ZMYND11: variants seen among roughly 807,000 people sequenced by gnomAD.
The protein encoded by ZMYND11 is zinc finger MYND-type containing 11, also known as zinc finger MYND domain-containing protein 11.
A neutral mutation model predicts 84.9 loss-of-function variants in ZMYND11; 9 were observed. The observed-to-expected ratio is 0.11, with a 90% CI of 0.06 to 0.18. The LOEUF is 0.18. Among genes scored for constraint, ZMYND11 ranks in the 10% least tolerant of loss-of-function variants. ZMYND11 has a pLI of 1.00. For synonymous variants in ZMYND11, 250 were observed against 244.1 expected (o/e 1.02, Z -0.23); for missense variants, 409 against 761.0 (o/e 0.54, Z 5.44).
At chr10:228,049 G>A (rs373173136) in intron 4 of ZMYND11, among the ~76,000 whole-genome samples, 3 of 152,102 alleles carry the variant, frequency 2.0e-5, no homozygotes, top group Non-Finnish European at 4.4e-5. Context: ...TCTGAGCCAC[G>A]CACTTTTATA....
intron 2 of ZMYND11, among the ~76,000 whole-genome samples, chr10:197,408 A>C (rs1413114085): frequency 2.0e-5 from 3 of 152,234 alleles, no homozygotes; most frequent in Non-Finnish European, 4.4e-5. Context: ...GAAGAAGGTT[A>C]TATATATCAG....
At position 195,730 on chromosome 10, in the gene ZMYND11, G is replaced by C. The variant is rs568973119; in HGVS notation, c.117-14159G>C. 5.9e-5 allele frequency among the ~76,000 whole-genome samples: 9 copies of C among 152,288 alleles called. No homozygotes were observed. In the South Asian group the frequency reaches 8.3e-4, roughly 14 times the overall value. ...TAAGGACAGTGGTAACCAGCTGTGG[G>C]GGTGAGTGCCACCAGGATGGGCACA... On this transcript the variant is annotated intron_variant, in intron 2 of 14. Transcript: ENST00000381604.
At chr10:239,936 T>A in intron 7 of ZMYND11, 120 bp from the exon 8 acceptor site, 1 of 739,866 alleles carries the variant, frequency 1.4e-6, no homozygotes, top group Non-Finnish European at 2.2e-6. Flanking sequence ...TTATTTTAAA[T>A]GGACATTTTG....
chr10:222,059 A>G lies in ZMYND11; in HGVS notation c.438+703A>G, dbSNP rs551990594. On this transcript the variant is annotated intron_variant, in intron 4 of 14. Coordinates refer to ENST00000381604, the MANE Select transcript of ZMYND11 (RefSeq NM_001370100.5). ...TATTACATATGGCATCGATGGTAAT[A>G]AGGAATTATTTGATTGCAACCTCTA... 2.6e-3 allele frequency among the ~76,000 whole-genome samples: 392 copies of G among 152,274 alleles called. 3 individuals are homozygous for G. The highest frequency in any genetic ancestry group is 9.0e-3 in the African/African-American group (375 of 41,560).
chr10:161,567 T>G (rs1842949421), intron 1 of ZMYND11, among the ~76,000 whole-genome samples: 1 of 152,236 alleles, frequency 6.6e-6, no homozygotes, highest in Non-Finnish European at 1.5e-5. Context: ...GAGACTATTT[T>G]GTCTTCATTG....
chr10:133,792 T>C (rs1234045972), upstream of ZMYND11, among the ~76,000 whole-genome samples: 1 of 152,210 alleles, frequency 6.6e-6, no homozygotes, highest in African/African-American at 2.4e-5. Context: ...TAGCGATATA[T>C]ATTTACTCTT....
At chr10:191,502 G>A (rs923036319) in intron 2 of ZMYND11, among the ~76,000 whole-genome samples, 2 of 152,156 alleles carry the variant, frequency 1.3e-5, no homozygotes, top group Non-Finnish European at 2.9e-5. Context: ...CCCAGGTCAC[G>A]TGTTGGAATT....
At chr10:220,670 C>T (rs1185846919) in intron 3 of ZMYND11, among the ~76,000 whole-genome samples, 1 of 152,176 alleles carries the variant, frequency 6.6e-6, no homozygotes, top group East Asian at 1.9e-4. Context: ...AGAACATGGA[C>T]ATTCTGATTA....
chr10:240,990 CA>C lies in ZMYND11; in HGVS notation c.831+22del, dbSNP rs762875440. ...CCTTGTGTATGTGAAATTTTTACCT[CA>C]AGTGTGTAACATACAGCTCTAAGGA... On this transcript the variant is annotated intron_variant, in intron 9 of 14. Coordinates refer to ENST00000381604, the MANE Select transcript of ZMYND11 (RefSeq NM_001370100.5). 1.3e-6 allele frequency: 2 copies of C among 1,588,544 alleles called. No individual in the cohort carries two copies. Among genetic ancestry groups the C allele is most frequent in the African/African-American group, 2.7e-5 (2 of 74,320 alleles).
chr10:154,636 A>G (rs1333021964), intron 1 of ZMYND11, among the ~76,000 whole-genome samples: 2 of 152,206 alleles, frequency 1.3e-5, no homozygotes, highest in African/African-American at 4.8e-5. Flanking sequence ...AGGTAGGAAC[A>G]TTTGCAAATA....
intron 4 of ZMYND11, among the ~76,000 whole-genome samples, chr10:223,836 G>C (rs1012688878): frequency 9.9e-5 from 15 of 152,078 alleles, no homozygotes; most frequent in Non-Finnish European, 1.3e-4. Context: ...TTTGAGTAAA[G>C]CCGTTTTTTA....
intron 1 of ZMYND11, among the ~76,000 whole-genome samples, chr10:158,412 CTTTTT>C (rs372896551): frequency 1.6e-4 from 23 of 142,558 alleles, no homozygotes; most frequent in Admixed American, 8.7e-4. Flanking sequence ...TTGTCTTTTC[CTTTTT>C]TTTTTTTTTT....
At chr10:131,456 T>C (rs1345844706), upstream of ZMYND11, among the ~76,000 whole-genome samples, 1 of 152,184 alleles carries the variant, frequency 6.6e-6, no homozygotes, top group Non-Finnish European at 1.5e-5. Context: ...AGCTCCTCGG[T>C]TGCTGTGTAG....
At chr10:205,935 A>G (rs910953787) in intron 2 of ZMYND11, among the ~76,000 whole-genome samples, 14 of 151,202 alleles carry the variant, frequency 9.3e-5, no homozygotes, top group African/African-American at 3.4e-4. Flanking sequence ...TTTTGTGGTC[A>G]GTTGTTATGT....
At chr10:247,123 C>A in intron 11 of ZMYND11, 150 bp downstream of exon 11, 1 of 861,452 alleles carries the variant, frequency 1.2e-6, no homozygotes, top group Non-Finnish European at 1.8e-6. Flanking sequence ...AAACCAAAAG[C>A]AGTTCAAATG....
chr10:196,159 T>C (rs2130994439), intron 2 of ZMYND11, among the ~76,000 whole-genome samples: 1 of 152,366 alleles, frequency 6.6e-6, no homozygotes, highest in South Asian at 2.1e-4. Context: ...ATTTCTCTTT[T>C]CTTCTACTGA....
At chr10:219,897 GT>G (rs1946844086) in intron 3 of ZMYND11, among the ~76,000 whole-genome samples, 1 of 152,150 alleles carries the variant, frequency 6.6e-6, no homozygotes, top group African/African-American at 2.4e-5. Flanking sequence ...AAACCGGAAA[GT>G]TTACATTTTT....
At chr10:138,239 A>G (rs1423954483) in intron 1 of ZMYND11, among the ~76,000 whole-genome samples, 2 of 145,208 alleles carry the variant, frequency 1.4e-5, no homozygotes, top group African/African-American at 5.2e-5. Flanking sequence ...CCTCCCGGGT[A>G]GCTCGTACTA....
chr10:170,879 C>A (rs1385318620), intron 1 of ZMYND11, among the ~76,000 whole-genome samples: 1 of 151,972 alleles, frequency 6.6e-6, no homozygotes, highest in Non-Finnish European at 1.5e-5. Context: ...TAAACACAGC[C>A]ATTAAAAGAC....
Sources: gnomAD v4.1 joint callset for allele counts (sites outside exome capture counted in the v4.1 genomes callset) on GRCh38, gnomAD v4.1.1 for gene constraint, MANE v1.5 for transcripts, NCBI Gene and HGNC (gene_info 2026-07-23, HGNC 2026-07-21) for gene names.